The following RBMS1 variants were observed in gnomAD, a reference collection of about 807,000 sequenced individuals.
RBMS1 encodes RNA binding motif single stranded interacting protein 1.
In RBMS1, 17 loss-of-function variants were observed where a neutral mutation model predicts 62.3. That is an observed-to-expected ratio of 0.27 (90% CI 0.19 to 0.41). The LOEUF is 0.41. Among genes scored for constraint, RBMS1 ranks in the 10% least tolerant of loss-of-function variants. The pLI is 1.00. For synonymous variants in RBMS1, 172 were observed against 170.0 expected (o/e 1.01, Z -0.09); for missense variants, 334 against 504.5 (o/e 0.66, Z 3.24).
At chr2:160,311,224 C>CTATATATATATATATATATATA (rs1553505400) in intron 4 of RBMS1, among the ~76,000 whole-genome samples, 1 of 56,632 alleles carries the variant, frequency 1.8e-5, no homozygotes, top group African/African-American at 6.2e-5. Context: ...ATCTATCTAT[C>CTATATATATATATATATATATA]TATCTATCTA....
chr2:160,379,621 T>A (rs1694176826), intron 1 of RBMS1, among the ~76,000 whole-genome samples: 1 of 152,242 alleles, frequency 6.6e-6, no homozygotes, highest in Admixed American at 6.5e-5. Flanking sequence ...TTTCAATGTT[T>A]ACAGAAATCG....
At chr2:160,449,044 G>C (rs1683821160) in intron 1 of RBMS1, among the ~76,000 whole-genome samples, 1 of 151,808 alleles carries the variant, frequency 6.6e-6, no homozygotes, top group Non-Finnish European at 1.5e-5. Flanking sequence ...GAAGTGAGGA[G>C]CCCCTCCGCC....
intron 1 of RBMS1, among the ~76,000 whole-genome samples, chr2:160,455,864 T>C (rs10427297): frequency 0.5 from 76,214 of 151,170 alleles, 20,313 homozygotes; most frequent in Admixed American, 0.63. Context: ...TTTGTATTTT[T>C]AGTAGAGACG....
chr2:160,460,886 T>A (rs1456674776), intron 1 of RBMS1, among the ~76,000 whole-genome samples: 1 of 152,182 alleles, frequency 6.6e-6, no homozygotes, highest in Non-Finnish European at 1.5e-5. Flanking sequence ...TACAGCATCC[T>A]CTTGTCATCT....
chr2:160,490,559 A>AT (rs1559616736), intron 1 of RBMS1, among the ~76,000 whole-genome samples: 1 of 152,076 alleles, frequency 6.6e-6, no homozygotes, highest in Non-Finnish European at 1.5e-5. Flanking sequence ...AACGGATGGT[A>AT]TTTTTTTATT....
chr2:160,341,617 A>G (rs979643634), intron 2 of RBMS1, among the ~76,000 whole-genome samples: 1 of 152,198 alleles, frequency 6.6e-6, no homozygotes, highest in South Asian at 2.1e-4. Flanking sequence ...AATAAATCTT[A>G]ATTAGACAGT....
chr2:160,477,275 AGGTTGAGGAT>A (rs1484017267), intron 1 of RBMS1, among the ~76,000 whole-genome samples: 3 of 152,188 alleles, frequency 2.0e-5, no homozygotes, highest in Non-Finnish European at 1.5e-5. Context: ...TGAGCCCAGG[AGGTTGAGGAT>A]GCAATGAGCT....
At chr2:160,385,250 G>A (rs74349850) in intron 1 of RBMS1, among the ~76,000 whole-genome samples, 1,954 of 152,254 alleles carry the variant, frequency 0.013, 50 homozygotes, top group African/African-American at 0.043. Context: ...GGAGGGCTCC[G>A]CCGAGGGCAC....
intron 1 of RBMS1, among the ~76,000 whole-genome samples, chr2:160,457,333 T>C (rs1228491794): frequency 6.6e-6 from 1 of 152,142 alleles, no homozygotes; most frequent in Non-Finnish European, 1.5e-5. Context: ...TTTCTCCATG[T>C]TGGTCAGGCT....
At chr2:160,392,697 C>T (rs1694929647) in intron 1 of RBMS1, among the ~76,000 whole-genome samples, 1 of 152,108 alleles carries the variant, frequency 6.6e-6, no homozygotes, top group South Asian at 2.1e-4. Flanking sequence ...CTCAAGACCA[C>T]TCTGGGCAAC....
At chr2:160,287,814 C>T (rs781365466) in intron 6 of RBMS1, among the ~76,000 whole-genome samples, 12 of 151,998 alleles carry the variant, frequency 7.9e-5, no homozygotes, top group Admixed American at 2.0e-4. Context: ...AAATACTTGT[C>T]CACCCTATTT....
At chr2:160,459,838 G>A (rs959292833) in intron 1 of RBMS1, among the ~76,000 whole-genome samples, 4 of 152,156 alleles carry the variant, frequency 2.6e-5, no homozygotes, top group Non-Finnish European at 5.9e-5. Context: ...TAAGAGATCA[G>A]TTCATCAATA....
chr2:160,283,313 T>C (rs1559315265), intron 9 of RBMS1: 1 of 152,268 alleles, frequency 6.6e-6, no homozygotes, highest in African/African-American at 2.4e-5. Context: ...GACACATGAA[T>C]TGTTAATTAG....
chr2:160,287,998 G>C (rs1688491275), intron 6 of RBMS1, among the ~76,000 whole-genome samples: 1 of 149,670 alleles, frequency 6.7e-6, no homozygotes, highest in Admixed American at 6.6e-5. Flanking sequence ...AAACAGAAAA[G>C]CAGAAGATGT....
In RBMS1 at chr2:160,449,274, C is replaced by T. The variant is rs1047540889; in HGVS notation, c.75+44015G>A. 8.6e-5 allele frequency among the ~76,000 whole-genome samples: 13 copies of T among 151,396 alleles called. No homozygotes were observed. In the East Asian group the frequency reaches 1.2e-3, roughly 14 times the overall value. On this transcript the variant is annotated intron_variant, in intron 1 of 13. Transcript: ENST00000348849. ...GGGGGGCGCCTCTGCCCAGCCGCCC[C>T]GTCTGGGAAGTGAGGAGCCCCTCTG...
chr2:160,305,748 T>C (rs74696213), intron 4 of RBMS1, among the ~76,000 whole-genome samples: 3,593 of 152,268 alleles, frequency 0.024, 133 homozygotes, highest in African/African-American at 0.079. Context: ...TTTTAGGTTC[T>C]ATCTTTTAAT....
At chr2:160,446,619 AC>A (rs1449888539) in intron 1 of RBMS1, among the ~76,000 whole-genome samples, 1 of 152,226 alleles carries the variant, frequency 6.6e-6, no homozygotes, top group African/African-American at 2.4e-5. Context: ...ACCTTTGGAA[AC>A]CGTGTATGTG....
chr2:160,302,222 G>A (rs62177261), intron 5 of RBMS1, among the ~76,000 whole-genome samples: 414 of 147,748 alleles, frequency 2.8e-3, no homozygotes, highest in Admixed American at 6.2e-3. Flanking sequence ...TTTTTTTAAA[G>A]ACAGATCTGT....
chr2:160,450,991 C>CA (rs1022315929), intron 1 of RBMS1, among the ~76,000 whole-genome samples: 8 of 151,894 alleles, frequency 5.3e-5, no homozygotes, highest in African/African-American at 1.7e-4. Flanking sequence ...CCCATCTCTA[C>CA]AAAAAACTAT....
Sources: gnomAD v4.1 joint callset for allele counts (sites outside exome capture counted in the v4.1 genomes callset) on GRCh38, gnomAD v4.1.1 for gene constraint, MANE v1.5 for transcripts, NCBI Gene and HGNC (gene_info 2026-07-23, HGNC 2026-07-21) for gene names.